Variants in KLHL34 observed in about 807,000 individuals in gnomAD.
The protein encoded by KLHL34 is kelch-like protein 34.
KLHL34 carries 24 observed loss-of-function variants against 23.8 expected under a neutral mutation model. That is an observed-to-expected ratio of 1.01 (90% CI 0.73 to 1.42). The LOEUF (loss-of-function observed/expected upper bound fraction) is 1.42, where lower values mean the gene tolerates loss of function less well. Ranked by LOEUF, KLHL34 falls within the 40% of genes most tolerant of loss-of-function variation. The pLI, the probability that KLHL34 is intolerant of heterozygous loss-of-function variation, is 0.00. For synonymous variants in KLHL34, 303 were observed against 287.9 expected (o/e 1.05, Z -0.53); for missense variants, 652 against 595.1 (o/e 1.10, Z -0.99).
chrX:21,657,307 A>G lies in KLHL34; in HGVS notation c.482T>C (p.Leu161Pro), dbSNP rs1183013067. The G allele has an allele frequency of 4.3e-6, 5 of 1,156,255 alleles. No homozygotes were observed. In the East Asian group the frequency reaches 1.6e-4, roughly 37 times the overall value. Residue 161 changes from leucine (L) to proline (P), a missense_variant, in exon 1 of 1, where the codon CTG becomes CCG. Physicochemically the swap from Leu to Pro is moderately conservative, Grantham distance 98. Transcript: ENST00000379499. ...ERCIVSHLQE[L>P]LARGAGPAGL... ...CGCGGGGCCCGCGCCCCGCGCCAGC[A>G]GCTCCTGCAAGTGGCTCACGATGCA...
At position 21,657,246 on chromosome X, in the gene KLHL34, A is replaced by T; in HGVS notation, c.543T>A (p.Ala181=). ...LLELNPTSLR[A]VLGAPDVARV... is the part of the protein sequence containing the mutation. Reference sequence around the variant, plus strand: ...GCGCCACGTCGGGGGCACCCAGTACAGCCCTCAGCGATGTAGGGTTGAGCT... The same window carrying T: ...GCGCCACGTCGGGGGCACCCAGTACTGCCCTCAGCGATGTAGGGTTGAGCT... Residue 181 remains alanine (A), a synonymous_variant, in exon 1 of 1, where the codon GCT becomes GCA. Transcript: ENST00000379499. 1 of 1,180,342 alleles carries T rather than the reference A, an allele frequency of 8.5e-7. No individual in the cohort carries two copies. The highest frequency in any genetic ancestry group is 1.1e-6 in the Non-Finnish European group (1 of 881,353).
At position 21,657,747 on chromosome X, in the gene KLHL34, C is replaced by T; in HGVS notation, c.42G>A (p.Ala14=). ...FLSYCKAHGG[A]LLTGYQALRA... The stretch of plus-strand genomic sequence containing the variant: ...GCAGGGCCTGGTAGCCGGTGAGCAG[C>T]GCGCCGCCATGAGCTTTGCAGTAAG... Residue 14 remains alanine, a synonymous_variant, in exon 1 of 1, where the codon GCG becomes GCA. Coordinates refer to ENST00000379499, the MANE Select transcript of KLHL34 (RefSeq NM_153270.3). 8.3e-7 allele frequency: 1 copy of T among 1,199,786 alleles called. No individual in the cohort carries two copies. The highest frequency in any genetic ancestry group is 1.8e-5 in the South Asian group (1 of 55,382).
chrX:21,656,430 C>G lies in KLHL34; in HGVS notation c.1359G>C (p.Trp453Cys). The change falls in exon 1 of 1, where the codon TGG becomes TGC. Residue 453 changes from tryptophan (W) to cysteine (C), a missense_variant. Trp to Cys is a radical substitution (Grantham distance 215). Coordinates refer to ENST00000379499, the MANE Select transcript of KLHL34 (RefSeq NM_153270.3). Reference sequence around the variant, plus strand: ...CCCGCGGTAGTGCCCCAGCCGCCGTCCAGCGGTCCCGACGCAGGTCGTACA... The same window carrying G: ...CCCGCGGTAGTGCCCCAGCCGCCGTGCAGCGGTCCCGACGCAGGTCGTACA... Reference protein sequence around the residue: ...VEMYDLRRDRWTAAGALPRAL... With the variant: ...VEMYDLRRDRCTAAGALPRAL... The G allele has an allele frequency of 8.4e-7, 1 of 1,194,364 alleles. No homozygotes were observed. The highest frequency in any genetic ancestry group is 1.8e-5 in the South Asian group (1 of 54,975).
Position 21,655,671 on chromosome X carries a change from T to G in KLHL34, c.*183A>C. 2 of 788,996 alleles carry G rather than the reference T, an allele frequency of 2.5e-6. No individual in the cohort carries two copies. The highest frequency in any genetic ancestry group is 1.7e-6 in the Non-Finnish European group (1 of 595,148). 65.0% of individuals were successfully genotyped at this position (788,996 alleles called of 1,213,427 possible). A position where few individuals can be genotyped will look rare whatever the true frequency, so the allele number is the denominator to read the frequency against. ...CCTTCTATTTGACCCCCCGCCCCGC[T>G]GTCTCCCATTCTCAGCTCAAGGAGA... On this transcript the variant is annotated 3_prime_UTR_variant, in exon 1 of 1. Coordinates refer to ENST00000379499, the MANE Select transcript of KLHL34 (RefSeq NM_153270.3).
Position 21,656,361 on chromosome X carries a change from C to T in KLHL34, c.1428G>A (p.Val476=). 8.3e-7 allele frequency: 1 copy of T among 1,199,202 alleles called. No individual in the cohort carries two copies. Among genetic ancestry groups the T allele is most frequent in the South Asian group, 1.8e-5 (1 of 54,850 alleles). The part of the protein sequence containing the change: ...HAGAVGDRGV[V]YISGGKAGRG... The stretch of plus-strand genomic sequence containing the variant: ...TCCCTGCCTTGCCCCCCGAGATGTA[C>T]ACAACACCGCGGTCCCCGACGGCCC... The change falls in exon 1 of 1, where the codon GTG becomes GTA. Residue 476 remains valine, a synonymous_variant. Coordinates refer to ENST00000379499, the MANE Select transcript of KLHL34 (RefSeq NM_153270.3).
chrX:21,656,350 C>T lies in KLHL34; in HGVS notation c.1439G>A (p.Gly480Glu). ...GCCCTCGCCTCTCCCTGCCTTGCCCCCCGAGATGTACACAACACCGCGGTC... is the reference window on the plus strand; with the variant it reads ...GCCCTCGCCTCTCCCTGCCTTGCCCTCCGAGATGTACACAACACCGCGGTC... ...VGDRGVVYIS[G>E]GKAGRGEGGA... Residue 480 changes from glycine (G) to glutamate (E), a missense_variant, in exon 1 of 1, where the codon GGG becomes GAG. Coordinates refer to ENST00000379499, the MANE Select transcript of KLHL34 (RefSeq NM_153270.3). The T allele has an allele frequency of 8.4e-7, 1 of 1,189,567 alleles. No homozygotes were observed. The highest frequency in any genetic ancestry group is 1.1e-6 in the Non-Finnish European group (1 of 885,699).
chrX:21,658,021 T>C lies in KLHL34; in HGVS notation c.-233A>G. 2.6e-6 allele frequency: 1 copy of C among 388,142 alleles called. No individual in the cohort carries two copies. The highest frequency in any genetic ancestry group is 4.3e-6 in the Non-Finnish European group (1 of 232,248). 32.0% of individuals were successfully genotyped at this position (388,142 alleles called of 1,213,427 possible). ...GGAAACGGTTTTCGGAGGCCCCTAG[T>C]AACGGAGGGCGCGGAATTTGGAGGC... is the stretch of plus-strand genomic sequence containing the variant. On this transcript the variant is annotated 5_prime_UTR_variant, in exon 1 of 1. Coordinates refer to ENST00000379499, the MANE Select transcript of KLHL34 (RefSeq NM_153270.3).
chrX:21,657,421 T>C lies in KLHL34; in HGVS notation c.368A>G (p.Glu123Gly), dbSNP rs1408420732. The C allele has an allele frequency of 3.3e-5, 39 of 1,190,741 alleles. 1 individual carries two copies. The highest frequency in any genetic ancestry group is 5.5e-5 in the South Asian group (3 of 54,231). Reference protein sequence around the residue: ...EALGLCGRYLERQLAPENCCF... With the variant: ...EALGLCGRYLGRQLAPENCCF... The stretch of plus-strand genomic sequence containing the variant: ...GCAGTTCTCTGGAGCCAGCTGGCGC[T>C]CCAAGTAGCGCCCACAGAGCCCCAG... The change falls in exon 1 of 1, where the codon GAG (glutamate) becomes GGG (glycine). Residue 123 changes from glutamate to glycine, a missense_variant. By Grantham distance (98) the Glu-to-Gly change is moderately conservative. Transcript: ENST00000379499.
At position 21,656,639 on chromosome X, in the gene KLHL34, G is replaced by A. The variant is rs775531053; in HGVS notation, c.1150C>T (p.Leu384=). 9.8e-5 allele frequency: 119 copies of A among 1,209,970 alleles called. No homozygotes were observed. Among genetic ancestry groups the A allele is most frequent in the Non-Finnish European group, 1.3e-4 (114 of 895,209 alleles). Residue 384 remains leucine (L), a synonymous_variant, in exon 1 of 1, where the codon CTG becomes TTG. Transcript: ENST00000379499. ...GTGACCACCCGCGAGTCGTCGGCCA[G>A]GGGAGAGGATGCACTGCCGGAAGGG... ...ESPSGSASSP[L]ADDSRVVTAQ...
At position 21,657,103 on chromosome X, in the gene KLHL34, G is replaced by A. The variant is rs770616303; in HGVS notation, c.686C>T (p.Pro229Leu). The A allele has an allele frequency of 6.6e-5, 79 of 1,205,650 alleles. No individual in the cohort carries two copies. Among genetic ancestry groups the A allele is most frequent in the Non-Finnish European group, 8.5e-5 (76 of 893,689 alleles). The stretch of plus-strand genomic sequence containing the variant: ...GTACACGCGCCGCAGTACGTCGGCG[G>A]GAACCAGGCCAAAGCGGACACGCTC... ...LLERVRFGLV[P>L]ADVLRRVYSG... The change falls in exon 1 of 1, where the codon CCC (proline) becomes CTC (leucine). Residue 229 changes from proline (P) to leucine (L), a missense_variant. By Grantham distance (98) the Pro-to-Leu change is moderately conservative. Transcript: ENST00000379499.
chrX:21,655,917 G>C lies in KLHL34; in HGVS notation c.1872C>G (p.Ala624=), dbSNP rs1184493895. 8.3e-7 allele frequency: 1 copy of C among 1,207,734 alleles called. No individual in the cohort carries two copies. Among genetic ancestry groups the C allele is most frequent in the Middle Eastern group, 2.3e-4 (1 of 4,328 alleles). The part of the protein sequence containing the change: ...SGLRCAVLQL[A]EGGDDEREGE... ...CCTCCCTCTCGTCGTCCCCACCCTCGGCCAGCTGCAGCACTGCGCACCGCA... is the reference window on the plus strand; with the variant it reads ...CCTCCCTCTCGTCGTCCCCACCCTCCGCCAGCTGCAGCACTGCGCACCGCA... Residue 624 remains alanine, a synonymous_variant, in exon 1 of 1, where the codon GCC becomes GCG. Transcript: ENST00000379499.
At position 21,657,610 on chromosome X, in the gene KLHL34, C is replaced by G; in HGVS notation, c.179G>C (p.Ser60Thr). The G allele has an allele frequency of 8.3e-7, 1 of 1,210,049 alleles. No homozygotes were observed. The highest frequency in any genetic ancestry group is 3.0e-5 in the East Asian group (1 of 33,814). ...SSDYFRALFKSHTQESRARVI... is the reference protein window; with the variant it reads ...SSDYFRALFKTHTQESRARVI... ...GCGCGCCCGGGATTCCTGGGTGTGG[C>G]TCTTGAACAGGGCCCTGAAGTAGTC... The change falls in exon 1 of 1, where the codon AGC becomes ACC. Residue 60 changes from serine (S) to threonine (T), a missense_variant. Coordinates refer to ENST00000379499, the MANE Select transcript of KLHL34 (RefSeq NM_153270.3).
Position 21,656,064 on chromosome X carries a change from C to T in KLHL34, c.1725G>A (p.Leu575=), listed in dbSNP as rs1437634339. Residue 575 remains leucine, a synonymous_variant, in exon 1 of 1, where the codon CTG becomes CTA. Coordinates refer to ENST00000379499, the MANE Select transcript of KLHL34 (RefSeq NM_153270.3). ...GLAVVEETAL[L]LGGLKWRDSR... ...AGTCCCGCCACTTGAGGCCGCCCAG[C>T]AGCAACGCTGTCTCCTCGACCACGG... The T allele has an allele frequency of 1.7e-6, 2 of 1,196,913 alleles. No homozygotes were observed. The highest frequency in any genetic ancestry group is 2.3e-6 in the Non-Finnish European group (2 of 888,128).
At position 21,655,215 on chromosome X, in the gene KLHL34, A is replaced by T. The variant is rs1413654605; in HGVS notation, c.*639T>A. The T allele has an allele frequency of 3.0e-5, 3 of 99,206 alleles. No individual in the cohort carries two copies. The highest frequency in any genetic ancestry group is 5.0e-5 in the African/African-American group (1 of 19,885). The allele number at this position is 99,206 out of a possible 1,213,427, so 8.2% of individuals were successfully genotyped here. ...AAAATTTAAGGATACTTTCTAGATT[A>T]AAAAAAAGTGCTTAGAGATTTTTTT... On this transcript the variant is annotated 3_prime_UTR_variant, in exon 1 of 1. Coordinates refer to ENST00000379499, the MANE Select transcript of KLHL34 (RefSeq NM_153270.3).
chrX:21,657,410 C>T lies in KLHL34; in HGVS notation c.379G>A (p.Ala127Thr). 1 of 1,183,005 alleles carries T rather than the reference C, an allele frequency of 8.5e-7. No homozygotes were observed. ...LCGRYLERQL[A>T]PENCCFAANV... ...GCGGCGAAGCAGCAGTTCTCTGGAGCCAGCTGGCGCTCCAAGTAGCGCCCA... is the reference window on the plus strand; with the variant it reads ...GCGGCGAAGCAGCAGTTCTCTGGAGTCAGCTGGCGCTCCAAGTAGCGCCCA... Residue 127 changes from alanine (A) to threonine (T), a missense_variant, in exon 1 of 1, where the codon GCT (alanine) becomes ACT (threonine). Transcript: ENST00000379499.
In KLHL34 at chrX:21,655,336, C is replaced by CATGGT. The variant is rs2092730110; in HGVS notation, c.*513_*517dup. ...ATCATAGTTCTCCTTACAATGATTT[C>CATGGT]ATGGTATTTAACCAAGGCACTCTCC... On this transcript the variant is annotated 3_prime_UTR_variant, in exon 1 of 1. Transcript: ENST00000379499. 9.0e-6 allele frequency: 1 copy of CATGGT among 111,312 alleles called. No individual in the cohort carries two copies. The highest frequency in any genetic ancestry group is 2.8e-4 in the East Asian group (1 of 3,585). The allele number at this position is 111,312 out of a possible 1,213,427, so 9.2% of individuals were successfully genotyped here. A position where few individuals can be genotyped will look rare whatever the true frequency, so the allele number is the denominator to read the frequency against.
At position 21,656,232 on chromosome X, in the gene KLHL34, G is replaced by T. The variant is rs1317399820; in HGVS notation, c.1557C>A (p.His519Gln). Residue 519 changes from histidine to glutamine, a missense_variant, in exon 1 of 1, where the codon CAC becomes CAA. His to Gln is a conservative substitution (Grantham distance 24). Transcript: ENST00000379499. ...CAGCGCCGCGCAGCACTGCCATGTG[G>T]TGCCCGAAACGTGCGGTGCCCATGG... Reference protein sequence around the residue: ...KAPMGTARFGHHMAVLRGAVF... With the variant: ...KAPMGTARFGQHMAVLRGAVF... The T allele has an allele frequency of 1.7e-6, 2 of 1,193,808 alleles. No homozygotes were observed. The highest frequency in any genetic ancestry group is 4.5e-5 in the Admixed American group (2 of 44,030).
Position 21,657,902 on chromosome X carries a change from A to G in KLHL34, c.-114T>C. On this transcript the variant is annotated 5_prime_UTR_variant, in exon 1 of 1. Transcript: ENST00000379499. ...CCGCGTAAGCCACAGAGCCCCTAGC[A>G]GGGGCCCATTTCTGCCTGCTCAGTT... is the stretch of plus-strand genomic sequence containing the variant. The G allele has an allele frequency of 2.7e-6, 3 of 1,091,544 alleles. No individual in the cohort carries two copies. In the Middle Eastern group the frequency reaches 9.2e-4, roughly 335 times the overall value. 90.0% of individuals were successfully genotyped at this position (1,091,544 alleles called of 1,213,427 possible).
rs761695657 is a variant in KLHL34, at chrX:21,657,418, C to G, written c.371G>C (p.Arg124Pro). 5.1e-6 allele frequency: 6 copies of G among 1,186,521 alleles called. No homozygotes were observed. In the South Asian group the frequency reaches 1.1e-4, roughly 22 times the overall value. ...ALGLCGRYLE[R>P]QLAPENCCFA... The stretch of plus-strand genomic sequence containing the variant: ...GCAGCAGTTCTCTGGAGCCAGCTGG[C>G]GCTCCAAGTAGCGCCCACAGAGCCC... Residue 124 changes from arginine to proline, a missense_variant, in exon 1 of 1, where the codon CGC (arginine) becomes CCC (proline). Coordinates refer to ENST00000379499, the MANE Select transcript of KLHL34 (RefSeq NM_153270.3).
Sources: allele counts gnomAD v4.1 joint callset, GRCh38; gene constraint gnomAD v4.1.1; transcripts MANE v1.5; gene names NCBI Gene and HGNC (gene_info 2026-07-23, HGNC 2026-07-21).